SLC44A2: variants seen among roughly 807,000 people sequenced by gnomAD.
SLC44A2 encodes the protein solute carrier family 44 member 2 (CTL2 blood group).
In SLC44A2, 57 loss-of-function variants were observed where a neutral mutation model predicts 90.8. The observed-to-expected ratio is 0.63, with a 90% CI of 0.51 to 0.78. The LOEUF (loss-of-function observed/expected upper bound fraction) is 0.78, where lower values mean the gene tolerates loss of function less well. SLC44A2 is among the 30% of genes least tolerant of loss of function. SLC44A2 has a pLI of 0.00. For missense variants in SLC44A2, 794 were observed against 919.7 expected, an observed-to-expected ratio of 0.86 and a Z score of 1.77; for synonymous variants, 355 against 360.7, an observed-to-expected ratio of 0.98 and a Z score of 0.18.
chr19:10,611,830 A>G (rs769836852), intron 1 of SLC44A2, among the ~76,000 whole-genome samples: 2 of 152,120 alleles, frequency 1.3e-5, no homozygotes, highest in Non-Finnish European at 2.9e-5. Flanking sequence ...TCAAATATAC[A>G]AGTAAACAAA....
At chr19:10,635,579 T>G (rs2067045479) in intron 14 of SLC44A2, 64 bp downstream of exon 14, 1 of 1,419,894 alleles carries the variant, frequency 7.0e-7, no homozygotes, top group African/African-American at 1.4e-5. Flanking sequence ...ATTTGAAACC[T>G]CTCATGTCCA....
intron 20 of SLC44A2, chr19:10,641,117 A>G (rs1171694067): frequency 1.2e-5 from 5 of 403,164 alleles, no homozygotes; most frequent in Admixed American, 3.3e-5. Context: ...TCTCAGCCAG[A>G]CGCAGGGGCC....
At position 10,634,964 on chromosome 19, in the gene SLC44A2, C is replaced by T. The variant is rs371389060; in HGVS notation, c.956-10C>T. On this transcript the variant is annotated splice_polypyrimidine_tract_variant and intron_variant, in intron 11 of 21. Transcript: ENST00000335757. ...GGGAGCCCAGCCGGCTCAGCCTTTG[C>T]CCTTTGCAGTGATCATTCTGAGTAT... 1.7e-5 allele frequency: 28 copies of T among 1,614,012 alleles called. No homozygotes were observed. Among genetic ancestry groups the T allele is most frequent in the Non-Finnish European group, 2.3e-5 (27 of 1,180,022 alleles).
intron 1 of SLC44A2, among the ~76,000 whole-genome samples, chr19:10,607,341 T>TTTG (rs948683167): frequency 3.3e-5 from 5 of 151,782 alleles, no homozygotes; most frequent in African/African-American, 7.3e-5. Flanking sequence ...TACTTTATTC[T>TTTG]TTGTTGTTGT....
At chr19:10,607,648 A>G (rs900271798) in intron 1 of SLC44A2, among the ~76,000 whole-genome samples, 1 of 150,024 alleles carries the variant, frequency 6.7e-6, no homozygotes, top group Admixed American at 6.7e-5. Flanking sequence ...GGGCCACCAC[A>G]CCCAGCTTTT....
At chr19:10,626,330 C>T (rs369479860) in intron 2 of SLC44A2, 29 bp downstream of exon 2, 25 of 1,540,456 alleles carry the variant, frequency 1.6e-5, no homozygotes, top group Non-Finnish European at 2.2e-5. Flanking sequence ...GGGGGGTTCT[C>T]CCCGCTAATA....
upstream of SLC44A2, among the ~76,000 whole-genome samples, chr19:10,623,595 C>A (rs2066907286): frequency 6.6e-6 from 1 of 151,946 alleles, no homozygotes; most frequent in South Asian, 2.1e-4. Context: ...AATCCCAGCA[C>A]TTTGGGAGGT....
intron 14 of SLC44A2, chr19:10,635,862 TC>T (rs1439042723): frequency 4.1e-6 from 1 of 246,000 alleles, no homozygotes; most frequent in Non-Finnish European, 7.9e-6. Context: ...CACTGCAACT[TC>T]CAACTCCCTG....
chr19:10,604,342 A>G (rs1042352965), intron 1 of SLC44A2, among the ~76,000 whole-genome samples: 3 of 152,220 alleles, frequency 2.0e-5, no homozygotes, highest in African/African-American at 7.2e-5. Context: ...CAAACCACGT[A>G]GTTACTTAAT....
intron 11 of SLC44A2, 43 bp downstream of exon 11, chr19:10,634,930 G>A (rs2067037250): frequency 6.2e-7 from 1 of 1,614,192 alleles, no homozygotes; most frequent in East Asian, 2.2e-5. Context: ...TGAGGCCTTG[G>A]AGGGAGTGGG....
intron 1 of SLC44A2, among the ~76,000 whole-genome samples, chr19:10,619,997 TC>T (rs2066885043): frequency 6.6e-6 from 1 of 151,576 alleles, no homozygotes; most frequent in South Asian, 2.1e-4. Context: ...CATGGTGAAA[TC>T]CTGTCTCTAC....
Position 10,606,078 on chromosome 19 carries a change from G to A in SLC44A2, c.31+3517G>A, listed in dbSNP as rs58367983. Among the ~76,000 whole-genome samples the A allele has an allele frequency of 9.5e-3, 1,446 of 151,922 alleles. 14 individuals carry two copies. The highest frequency in any genetic ancestry group is 0.032 in the African/African-American group (1,338 of 41,420). On this transcript the variant is annotated intron_variant, in intron 1 of 21. Transcript: ENST00000407327. ...TTTGGGAGTCCCAGGTGGGAGGATC[G>A]CTTGAGCCCATGAGTTTGAGACCAG...
chr19:10,626,286 G>C lies in SLC44A2; in HGVS notation c.71G>C (p.Gly24Ala), dbSNP rs1276765715. 1 of 1,613,194 alleles carries C rather than the reference G, an allele frequency of 6.2e-7. No individual in the cohort carries two copies. Reference sequence around the variant, plus strand: ...CAGAAGTATGATCCCACTTTCAAAGGACCCATTTACAATAGGTAAGAGCTC... The same window carrying C: ...CAGAAGTATGATCCCACTTTCAAAGCACCCATTTACAATAGGTAAGAGCTC... ...TPQKYDPTFK[G>A]PIYNRGCTDI... The change falls in exon 2 of 22, where the codon GGA (glycine) becomes GCA (alanine). Residue 24 changes from glycine to alanine, a missense_variant. By Grantham distance (60) the Gly-to-Ala change is moderately conservative. Around this residue, in one of 3 missense-constraint regions of SLC44A2, gnomAD observed 738 missense variants for 841.1 expected, o/e 0.88. Coordinates refer to ENST00000335757, the MANE Select transcript of SLC44A2 (RefSeq NM_020428.4).
rs191025593 is a variant in SLC44A2 at position 10,634,604 on chromosome 19, G to C, written c.824-152G>C. ...TAAGGATGTGTGGGATCCAGCCATG[G>C]GGAGAGAATGCACCGGGCGGTGGGA... On this transcript the variant is annotated intron_variant, in intron 10 of 21. Coordinates refer to ENST00000335757, the MANE Select transcript of SLC44A2 (RefSeq NM_020428.4). The C allele has an allele frequency of 6.4e-5, 65 of 1,020,180 alleles. No individual in the cohort carries two copies. In the East Asian group the frequency reaches 1.5e-3, roughly 23 times the overall value. 63.2% of individuals were successfully genotyped at this position (1,020,180 alleles called of 1,614,324 possible). A position where few individuals can be genotyped will look rare whatever the true frequency, so the allele number is the denominator to read the frequency against.
At chr19:10,615,358 G>C (rs923627995) in intron 1 of SLC44A2, among the ~76,000 whole-genome samples, 3 of 151,982 alleles carry the variant, frequency 2.0e-5, no homozygotes, top group African/African-American at 7.3e-5. Context: ...AGGATCACTT[G>C]AGGTCAGGAG....
chr19:10,625,449 C>T (rs1029153403), upstream of SLC44A2: 94 of 1,214,036 alleles, frequency 7.7e-5, no homozygotes, highest in Non-Finnish European at 9.1e-5. Context: ...CGCGCCCTCC[C>T]GGGTCCCTTA....
In SLC44A2 at chr19:10,627,735, A is replaced by G. The variant is rs1461259948; in HGVS notation, c.100A>G (p.Ile34Val). ...TCTGCTCCCCAGGGGCTGCACGGATATCATATGCTGTGTGTTCCTGCTCCT... is the reference window on the plus strand; with the variant it reads ...TCTGCTCCCCAGGGGCTGCACGGATGTCATATGCTGTGTGTTCCTGCTCCT... ...GPIYNRGCTD[I>V]ICCVFLLLAI... Residue 34 changes from isoleucine to valine, a missense_variant, in exon 3 of 22, where the codon ATC (isoleucine) becomes GTC (valine). Around this residue, in one of 3 missense-constraint regions of SLC44A2, gnomAD observed 738 missense variants for 841.1 expected, o/e 0.88. Coordinates refer to ENST00000335757, the MANE Select transcript of SLC44A2 (RefSeq NM_020428.4). 6.2e-7 allele frequency: 1 copy of G among 1,613,442 alleles called. No individual in the cohort carries two copies. Among genetic ancestry groups the G allele is most frequent in the Admixed American group, 1.7e-5 (1 of 59,992 alleles).
At chr19:10,625,713 G>T (rs936531865) in intron 1 of SLC44A2, 43 bp downstream of exon 1, 2 of 1,238,022 alleles carry the variant, frequency 1.6e-6, no homozygotes, top group African/African-American at 3.1e-5. Context: ...CGACCCCTCG[G>T]TCCCTCGGAG....
rs184699534 is a variant in SLC44A2, at chr19:10,638,588, G to T, written c.1929+273G>T. 5.1e-4 allele frequency among the ~76,000 whole-genome samples: 77 copies of T among 151,896 alleles called. 1 individual carries two copies. Among genetic ancestry groups the T allele is most frequent in the South Asian group, 3.6e-3 (17 of 4,782 alleles). Reference sequence around the variant, plus strand: ...GCCTCCCGAGTAGTTGGGATTACAGGTGCCTGCCCCCACACCTGCCTAATT... The same window carrying T: ...GCCTCCCGAGTAGTTGGGATTACAGTTGCCTGCCCCCACACCTGCCTAATT... On this transcript the variant is annotated intron_variant, in intron 20 of 21. Transcript: ENST00000335757.
Sources: gnomAD v4.1 joint callset for allele counts (sites outside exome capture counted in the v4.1 genomes callset) on GRCh38, gnomAD v4.1.1 for gene constraint, gnomAD v4.1.1 regional missense constraint, MANE v1.5 for transcripts, NCBI Gene and HGNC (gene_info 2026-07-23, HGNC 2026-07-21) for gene names.